Variants in PAK6 observed in about 807,000 individuals in gnomAD.
PAK6 encodes the protein serine/threonine-protein kinase PAK 6.
PAK6 carries 33 observed loss-of-function variants against 60.8 expected under a neutral mutation model. The observed-to-expected ratio is 0.54, with a 90% CI of 0.41 to 0.73. The LOEUF is 0.73. Among genes scored for constraint, PAK6 ranks in the 30% least tolerant of loss-of-function variants. The pLI is 0.00. For synonymous variants in PAK6, 404 were observed against 378.5 expected (o/e 1.07, Z -0.78); for missense variants, 845 against 904.1 (o/e 0.93, Z 0.84).
intron 2 of PAK6, among the ~76,000 whole-genome samples, chr15:40,244,285 C>T (rs1246060494): frequency 2.1e-5 from 3 of 139,700 alleles, no homozygotes; most frequent in Non-Finnish European, 3.0e-5. Flanking sequence ...GAGCTGGGAT[C>T]GTGCCACTGC....
At chr15:40,274,198 G>A (rs1354296598) in exon 10 of PAK6, 20 of 1,613,750 alleles carry the variant, frequency 1.2e-5, no homozygotes, top group Middle Eastern at 1.6e-4. Context: ...GGGAGCCACC[G>A]TACTTCAGTG....
At chr15:40,254,770 A>T (rs928044448) in intron 3 of PAK6, among the ~76,000 whole-genome samples, 1 of 152,234 alleles carries the variant, frequency 6.6e-6, no homozygotes, top group Non-Finnish European at 1.5e-5. Context: ...TCTGAGCCTC[A>T]GTTTCTTCAT....
exon 4 of PAK6, chr15:40,264,964 C>T: frequency 6.2e-7 from 1 of 1,613,526 alleles, no homozygotes; most frequent in Non-Finnish European, 8.5e-7. Flanking sequence ...TCGCGAATCA[C>T]ACGGGTGCAG....
At position 40,253,160 on chromosome 15, in the gene PAK6, T is replaced by C. The variant is rs1220000244; in HGVS notation, c.-117-18T>C. The C allele has an allele frequency of 4.4e-6, 2 of 454,984 alleles. No homozygotes were observed. The highest frequency in any genetic ancestry group is 2.0e-5 in the African/African-American group (1 of 50,038). The allele number at this position is 454,984 out of a possible 1,614,324, so 28.2% of individuals were successfully genotyped here. On this transcript the variant is annotated intron_variant, in intron 2 of 10. Coordinates refer to ENST00000560346, the Ensembl canonical transcript of PAK6. ...TGCTACATTTGCCATAATGCATTTC[T>C]GATCTGTTTCCGCGCAGGCCTGCGG...
chr15:40,272,180 A>G (rs1424446267), intron 5 of PAK6, 44 bp from the exon 6 acceptor site: 7 of 1,562,672 alleles, frequency 4.5e-6, no homozygotes, highest in Admixed American at 1.8e-5. Context: ...GTTATTCCAA[A>G]TGCTCCCACA....
intron 2 of PAK6, chr15:40,252,532 GC>G (rs1454185001): frequency 7.3e-7 from 1 of 1,362,546 alleles, no homozygotes; most frequent in East Asian, 4.5e-5. Context: ...CCTACCTGAG[GC>G]CACACCCTGA....
At position 40,275,890 on chromosome 15, in the gene PAK6, C is replaced by A. The variant is rs540979379; in HGVS notation, c.1879-37C>A. Reference sequence around the variant, plus strand: ...CAATCAGGTCACCCCGAAGTGACTGCAAATTGTGGCTTCATCTTACTGCCC... The same window carrying A: ...CAATCAGGTCACCCCGAAGTGACTGAAAATTGTGGCTTCATCTTACTGCCC... On this transcript the variant is annotated intron_variant, in intron 10 of 10. Coordinates refer to ENST00000560346, the Ensembl canonical transcript of PAK6. 1.1e-5 allele frequency: 18 copies of A among 1,579,282 alleles called. No homozygotes were observed. In the East Asian group the frequency reaches 3.4e-4, roughly 30 times the overall value.
rs149755186 is a variant in PAK6 at position 40,256,684 on chromosome 15, G to A, written c.-6+3395G>A. Among the ~76,000 whole-genome samples the A allele has an allele frequency of 1.1e-3, 160 of 152,318 alleles. 1 individual carries two copies. In the East Asian group the frequency reaches 0.011, roughly 10 times the overall value. On this transcript the variant is annotated intron_variant, in intron 3 of 10. Coordinates refer to ENST00000560346, the Ensembl canonical transcript of PAK6. The stretch of plus-strand genomic sequence containing the variant: ...TCACATCAGGTCCTGGGTCAGACTC[G>A]TGTCTGCCCCTTCTTTGCCTCTCGG...
chr15:40,271,735 A>G (rs1027845402), intron 5 of PAK6, among the ~76,000 whole-genome samples: 2 of 152,110 alleles, frequency 1.3e-5, no homozygotes, highest in Non-Finnish European at 2.9e-5. Context: ...GAGTGGAGAC[A>G]CAGTTGCCCA....
exon 6 of PAK6, chr15:40,272,369 C>T (rs773501708): frequency 6.2e-7 from 1 of 1,613,676 alleles, no homozygotes; most frequent in Non-Finnish European, 8.5e-7. Flanking sequence ...TCCCTCCGCA[C>T]AGCCCCGGCC....
At chr15:40,272,154 C>T (rs1020191421) in intron 5 of PAK6, 70 bp from the exon 6 acceptor site, 25 of 1,532,662 alleles carry the variant, frequency 1.6e-5, no homozygotes, top group Non-Finnish European at 2.1e-5. Flanking sequence ...GGCGGCCAGC[C>T]CCTGCCTCCG....
intron 3 of PAK6, among the ~76,000 whole-genome samples, chr15:40,254,513 C>T (rs894030448): frequency 1.3e-5 from 2 of 152,178 alleles, no homozygotes; most frequent in Non-Finnish European, 1.5e-5. Context: ...AACAGCAGCG[C>T]CCCCTGCACA....
chr15:40,248,954 T>TAGAAAGTATC (rs2038579692), intron 2 of PAK6, among the ~76,000 whole-genome samples: 1 of 152,240 alleles, frequency 6.6e-6, no homozygotes. Context: ...ACTGGCTTAC[T>TAGAAAGTATC]TAGTCTTTCT....
chr15:40,275,436 C>T (rs1291099638), intron 10 of PAK6, among the ~76,000 whole-genome samples: 2 of 151,734 alleles, frequency 1.3e-5, no homozygotes, highest in Non-Finnish European at 2.9e-5. Flanking sequence ...CAGGCACGTG[C>T]CACCATGCTC....
At position 40,266,102 on chromosome 15, in the gene PAK6, C is replaced by G. The variant is rs141846316; in HGVS notation, c.465C>G (p.His155Gln). 3 of 1,608,978 alleles carry G rather than the reference C, an allele frequency of 1.9e-6. No individual in the cohort carries two copies. In the Admixed American group the frequency reaches 5.0e-5, roughly 27 times the overall value. Reference sequence around the variant, plus strand: ...GCAACGGGGGCACACCAGCAGGCCACAAGCAGATGCCGTGGCCCGAGCCAC... The same window carrying G: ...GCAACGGGGGCACACCAGCAGGCCAGAAGCAGATGCCGTGGCCCGAGCCAC... Residue 155 changes from histidine (H) to glutamine (Q), a missense_variant, in exon 5 of 11, where the codon CAC becomes CAG. His to Gln is a conservative substitution (Grantham distance 24). Transcript: ENST00000560346.
At chr15:40,272,188 A>G in intron 5 of PAK6, 36 bp from the exon 6 acceptor site, 1 of 1,573,540 alleles carries the variant, frequency 6.4e-7, no homozygotes, top group Non-Finnish European at 8.7e-7. Context: ...AAATGCTCCC[A>G]CAGCCCTGAC....
At chr15:40,272,201 T>A in intron 5 of PAK6, 23 bp from the exon 6 acceptor site, 1 of 1,593,572 alleles carries the variant, frequency 6.3e-7, no homozygotes, top group Non-Finnish European at 8.6e-7. Flanking sequence ...GCCCTGACCC[T>A]TCCTGTTGCT....
intron 3 of PAK6, among the ~76,000 whole-genome samples, chr15:40,258,070 C>A (rs1184389926): frequency 6.6e-6 from 1 of 152,194 alleles, no homozygotes; most frequent in Non-Finnish European, 1.5e-5. Flanking sequence ...ACAGCCCCCA[C>A]CATGACCTCT....
intron 2 of PAK6, among the ~76,000 whole-genome samples, chr15:40,243,522 A>C (rs545694007): frequency 2.0e-4 from 30 of 152,216 alleles, no homozygotes; most frequent in Non-Finnish European, 3.7e-4. Context: ...CATGTTCAGC[A>C]AGAGATAACT....
Sources: allele counts gnomAD v4.1 joint callset (sites outside exome capture counted in the v4.1 genomes callset), GRCh38; gene constraint gnomAD v4.1.1; transcripts MANE v1.5; gene names NCBI Gene and HGNC (gene_info 2026-07-23, HGNC 2026-07-21).